The following RYR1 variants were observed in gnomAD, a reference collection of about 807,000 sequenced individuals.
RYR1 encodes the protein ryanodine receptor 1.
Under a neutral mutation model 583.5 loss-of-function variants are expected in RYR1, and 342 were observed. The observed-to-expected ratio is 0.59, with a 90% CI of 0.54 to 0.64. The LOEUF is 0.64. RYR1 is among the 30% of genes least tolerant of loss of function. RYR1 has a pLI of 0.00. For missense variants in RYR1, 6,032 were observed against 6,917.2 expected, an observed-to-expected ratio of 0.87 and a Z score of 4.54; for synonymous variants, 2,791 against 2,822.5, an observed-to-expected ratio of 0.99 and a Z score of 0.35.
chr19:38,529,017 T>C lies in RYR1; in HGVS notation c.11101T>C (p.Leu3701=), dbSNP rs771119698. 2.5e-6 allele frequency: 4 copies of C among 1,613,752 alleles called. No homozygotes were observed. Among genetic ancestry groups the C allele is most frequent in the East Asian group, 2.2e-5 (1 of 44,888 alleles). ...GAAGAAGCCAGACCCCCTGCACCAG[T>C]TGGTCCTGCACTTCAGCCGCACTGC... ...EEKKPDPLHQ[L]VLHFSRTALT... Residue 3701 remains leucine (L), a synonymous_variant, in exon 76 of 106, where the codon TTG becomes CTG. Transcript: ENST00000359596.
chr19:38,533,209 C>G (rs543491042), intron 78 of RYR1, among the ~76,000 whole-genome samples: 1 of 152,018 alleles, frequency 6.6e-6, no homozygotes, highest in African/African-American at 2.4e-5. Flanking sequence ...AAATGTTCTA[C>G]GTAGGGAGAA....
Position 38,496,808 on chromosome 19 carries a change from G to A in RYR1, c.6797-52G>A, listed in dbSNP as rs1969851083. On this transcript the variant is annotated intron_variant, in intron 41 of 105. Transcript: ENST00000359596. This position sits in a 1 kb window ranked among gnomAD's most constrained non-coding sequence, Gnocchi z 4.8. ...GGGTGGTCAGGGAGGGCTTCCCAGA[G>A]GAGGCGAGACAAGCAGGAGTGAGAT... The A allele has an allele frequency of 3.9e-6, 6 of 1,545,910 alleles. No individual in the cohort carries two copies. Among genetic ancestry groups the A allele is most frequent in the Non-Finnish European group, 5.4e-6 (6 of 1,119,102 alleles).
At chr19:38,460,650 G>C (rs1021263928) in intron 20 of RYR1, 59 bp downstream of exon 20, 3 of 1,484,294 alleles carry the variant, frequency 2.0e-6, no homozygotes, top group Non-Finnish European at 2.8e-6. Context: ...AGTCAGAGAG[G>C]GGGCAGGGTG....
intron 73 of RYR1, 88 bp downstream of exon 73, chr19:38,527,872 A>C (rs1449051409): frequency 1.3e-6 from 2 of 1,511,916 alleles, no homozygotes; most frequent in Admixed American, 3.5e-5. Context: ...TGGGGTCTGG[A>C]GATGACTATT....
rs528063199 is a variant in RYR1, at chr19:38,466,703, G to A, written c.3178+305G>A. On this transcript the variant is annotated intron_variant, in intron 24 of 105. Transcript: ENST00000359596. ...TTTTTAGTAGAGACAGGATTTCACC[G>A]TTTTAGCCAGGATGGTCTCGATCTC... 8.4e-4 allele frequency among the ~76,000 whole-genome samples: 127 copies of A among 151,912 alleles called. 2 individuals are homozygous for A. Among genetic ancestry groups the A allele is most frequent in the Middle Eastern group, 6.8e-3 (2 of 294 alleles).
chr19:38,506,774 T>C, intron 56 of RYR1, 55 bp from the exon 57 acceptor site: 2 of 1,613,152 alleles, frequency 1.2e-6, no homozygotes, highest in African/African-American at 2.7e-5. Context: ...ACCACTTCAG[T>C]GAGAGTGGCC....
chr19:38,530,846 AG>A lies in RYR1; in HGVS notation c.11142-1642del, dbSNP rs569149600. Among the ~76,000 whole-genome samples, 380 of 151,758 alleles carry A rather than the reference AG, an allele frequency of 2.5e-3. 1 individual carries two copies. Among genetic ancestry groups the A allele is most frequent in the Non-Finnish European group, 3.6e-3 (245 of 67,930 alleles). ...AGACGGAGTTTTGCTCTTGTTGCCCAGGCTGGAGTGCAATGGCGCAATCTCG... is the reference window on the plus strand; with the variant it reads ...AGACGGAGTTTTGCTCTTGTTGCCCAGCTGGAGTGCAATGGCGCAATCTCG... On this transcript the variant is annotated intron_variant, in intron 76 of 105. Transcript: ENST00000359596.
rs2960341 is a variant in RYR1 at position 38,505,459 on chromosome 19, C to T, written c.8400+61C>T. ...AATGAAACCCCCAAATTTGAGGATT[C>T]GGGGAGGAGTGAGGCAATTTCACAT... On this transcript the variant is annotated intron_variant, in intron 53 of 105. Coordinates refer to ENST00000359596, the MANE Select transcript of RYR1 (RefSeq NM_000540.3). 0.038 allele frequency: 46,272 copies of T among 1,224,474 alleles called. 1,689 individuals are homozygous for T. The highest frequency in any genetic ancestry group is 0.17 in the African/African-American group (11,070 of 66,514). The allele number at this position is 1,224,474 out of a possible 1,614,324, so 75.9% of individuals were successfully genotyped here.
At position 38,470,260 on chromosome 19, in the gene RYR1, A is replaced by T. The variant is rs576362957; in HGVS notation, c.3765+747A>T. 2.7e-3 allele frequency among the ~76,000 whole-genome samples: 412 copies of T among 151,400 alleles called. 5 individuals carry two copies. Among genetic ancestry groups the T allele is most frequent in the South Asian group, 0.016 (75 of 4,774 alleles). ...GAGCAAGACCCTATCTCAAAAAAAA[A>T]TTTTTTTTTAATAAATAATTTTTAA... is the stretch of plus-strand genomic sequence containing the variant. On this transcript the variant is annotated intron_variant, in intron 27 of 105. Coordinates refer to ENST00000359596, the MANE Select transcript of RYR1 (RefSeq NM_000540.3).
At chr19:38,495,855 C>A (rs190404771) in intron 39 of RYR1, among the ~76,000 whole-genome samples, 2 of 152,038 alleles carry the variant, frequency 1.3e-5, no homozygotes, top group African/African-American at 2.4e-5. Context: ...CTCCGCATAC[C>A]GGGTTCAAGC....
In RYR1 at chr19:38,535,179, G is replaced by A. The variant is rs1259648070; in HGVS notation, c.11398G>A (p.Gly3800Ser). Residue 3800 changes from glycine (G) to serine (S), a missense_variant, in exon 80 of 106, where the codon GGC (glycine) becomes AGC (serine). Gly to Ser is a moderately conservative substitution (Grantham distance 56). Around this residue, in one of 11 missense-constraint regions of RYR1, gnomAD observed 1,493 missense variants for 1,715.5 expected, o/e 0.87. Transcript: ENST00000359596. The part of the protein sequence containing the change: ...GAMVSSTLKL[G>S]ISILNGGNAE... ...CATGGTGTCCTCCACCCTGAAGCTG[G>A]GCATCTCCATCCTCAATGGAGGCAA... 6.2e-7 allele frequency: 1 copy of A among 1,614,072 alleles called. No homozygotes were observed. Among genetic ancestry groups the A allele is most frequent in the East Asian group, 2.2e-5 (1 of 44,884 alleles).
intron 24 of RYR1, among the ~76,000 whole-genome samples, 191 bp from the exon 25 acceptor site, chr19:38,467,419 C>G (rs549362324): frequency 6.6e-6 from 1 of 152,290 alleles, no homozygotes; most frequent in Admixed American, 6.5e-5. Context: ...GGGTCTCTCT[C>G]AACAGGTCCC....
At chr19:38,514,065 C>G (rs1970843132) in intron 63 of RYR1, among the ~76,000 whole-genome samples, 1 of 152,034 alleles carries the variant, frequency 6.6e-6, no homozygotes, top group Admixed American at 6.6e-5. Context: ...TCTTTAAAGT[C>G]TAGAATAGCC....
chr19:38,550,415 G>T (rs902839977), intron 89 of RYR1, among the ~76,000 whole-genome samples: 3 of 152,140 alleles, frequency 2.0e-5, no homozygotes, highest in Non-Finnish European at 4.4e-5. Context: ...TCAGACTAGG[G>T]TTATGCATCT....
chr19:38,511,493 C>A, intron 60 of RYR1, 68 bp from the exon 61 acceptor site: 1 of 1,537,828 alleles, frequency 6.5e-7, no homozygotes, highest in Non-Finnish European at 9.0e-7. Context: ...TTGGGTCACG[C>A]TGTCCTCGTC....
intron 20 of RYR1, among the ~76,000 whole-genome samples, chr19:38,462,155 G>T (rs561870496): frequency 9.7e-4 from 147 of 152,278 alleles, no homozygotes; most frequent in African/African-American, 3.3e-3. Flanking sequence ...GCAAAGGTTT[G>T]GTTTTCAGTC....
rs751673948 is a variant in RYR1, at chr19:38,578,063, C to T, written c.14303+15C>T. The T allele has an allele frequency of 4.3e-6, 7 of 1,613,886 alleles. No homozygotes were observed. The African/African-American group carries it at 6.7e-5, about 15-fold the overall frequency. The stretch of plus-strand genomic sequence containing the variant: ...CTGCTGACCTGGTGAGCCCAGGACA[C>T]CCCTGCACAGGCCTGGGGCATGCAG... On this transcript the variant is annotated intron_variant, in intron 98 of 105. Coordinates refer to ENST00000359596, the MANE Select transcript of RYR1 (RefSeq NM_000540.3).
chr19:38,553,792 A>G (rs1359973429), intron 89 of RYR1, among the ~76,000 whole-genome samples: 1 of 152,226 alleles, frequency 6.6e-6, no homozygotes, highest in Non-Finnish European at 1.5e-5. Flanking sequence ...ATCATTTTTT[A>G]AATGAAAATA....
Position 38,499,998 on chromosome 19 carries a change from CTG to C in RYR1, c.7308_7309del (p.Ala2437ThrfsTer12), listed in dbSNP as rs776250086. ...YAALIDLLGR[C>X]APEMHLIQAG... Reference sequence around the variant, plus strand: ...CCGCCTTGATCGACCTGCTCGGACGCTGTGCACCAGAGATGCATGTGAGACCC... The same window carrying C: ...CCGCCTTGATCGACCTGCTCGGACGCTGCACCAGAGATGCATGTGAGACCC... On this transcript the variant is annotated frameshift_variant, in exon 45 of 106. Transcript: ENST00000359596. LOFTEE classifies it high-confidence loss of function. The surrounding 1 kb of genome is among the most constrained non-coding windows in gnomAD (Gnocchi z 7.3). The C allele has an allele frequency of 1.2e-6, 2 of 1,614,152 alleles. No homozygotes were observed. Among genetic ancestry groups the C allele is most frequent in the Non-Finnish European group, 1.7e-6 (2 of 1,179,998 alleles).
Sources: allele counts gnomAD v4.1 joint callset (sites outside exome capture counted in the v4.1 genomes callset), GRCh38; gene constraint gnomAD v4.1.1; regional missense constraint gnomAD v4.1.1; non-coding constraint Gnocchi (gnomAD v3.1); transcripts MANE v1.5; gene names NCBI Gene and HGNC (gene_info 2026-07-23, HGNC 2026-07-21).